SHISA9: variants seen among roughly 807,000 people sequenced by gnomAD.
The protein encoded by SHISA9 is shisa family member 9, also known as protein shisa-9.
Under a neutral mutation model 38.0 loss-of-function variants are expected in SHISA9, and 13 were observed. The ratio of observed to expected loss-of-function variants is 0.34; its 90% CI spans 0.22 to 0.54. The LOEUF (loss-of-function observed/expected upper bound fraction) is 0.54. Ranked by LOEUF, SHISA9 falls within the 20% of genes least tolerant of loss-of-function variation. The probability of loss-of-function intolerance (pLI) is 0.91; values close to 1 mark genes in which losing one functional copy is unlikely to be tolerated. For synonymous variants in SHISA9, 275 were observed against 242.0 expected (o/e 1.14, Z -1.27); for missense variants, 538 against 575.8 (o/e 0.93, Z 0.67).
chr16:13,093,541 T>G (rs920096535), intron 2 of SHISA9, among the ~76,000 whole-genome samples: 2 of 152,108 alleles, frequency 1.3e-5, no homozygotes, highest in African/African-American at 4.8e-5. Context: ...CAAGGTATCA[T>G]GTGCATATGA....
chr16:13,337,671 CTG>C, the SHISA9 span, among the ~76,000 whole-genome samples: 1 of 152,142 alleles, frequency 6.6e-6, no homozygotes, highest in African/African-American at 2.4e-5. Flanking sequence ...TGGTTTGGCT[CTG>C]TGTCCCCACT....
At chr16:12,906,485 C>T (rs918804945) in intron 1 of SHISA9, among the ~76,000 whole-genome samples, 1 of 152,032 alleles carries the variant, frequency 6.6e-6, no homozygotes, top group African/African-American at 2.4e-5. Flanking sequence ...CATGGGATCT[C>T]GTAAGAACCG....
intron 2 of SHISA9, among the ~76,000 whole-genome samples, chr16:13,055,198 T>C (rs2073296369): frequency 6.6e-6 from 1 of 152,210 alleles, no homozygotes; most frequent in Non-Finnish European, 1.5e-5. Context: ...ACTGTGATTA[T>C]GCCCATTTTA....
intron 2 of SHISA9, among the ~76,000 whole-genome samples, chr16:13,058,771 G>T (rs1240563880): frequency 6.6e-6 from 1 of 152,036 alleles, no homozygotes; most frequent in East Asian, 1.9e-4. Flanking sequence ...GTGTGTGTGT[G>T]TGTGTGTGTG....
intron 2 of SHISA9, among the ~76,000 whole-genome samples, chr16:12,931,093 C>T (rs1009346367): frequency 1.3e-5 from 2 of 152,120 alleles, no homozygotes; most frequent in Non-Finnish European, 2.9e-5. Context: ...CTGGATGTTC[C>T]GTCACGAATG....
chr16:13,357,694 G>T, the SHISA9 span, among the ~76,000 whole-genome samples: 7 of 152,146 alleles, frequency 4.6e-5, no homozygotes, highest in African/African-American at 1.4e-4. Flanking sequence ...GGGACATAGG[G>T]TGGGGCCGTT....
At chr16:13,438,388 C>T in the SHISA9 span, among the ~76,000 whole-genome samples, 2 of 152,122 alleles carry the variant, frequency 1.3e-5, no homozygotes, top group Non-Finnish European at 2.9e-5. Flanking sequence ...AGAGACCTAA[C>T]AGCATCTACC....
intron 1 of SHISA9, among the ~76,000 whole-genome samples, chr16:12,912,683 G>A (rs1178400495): frequency 6.6e-6 from 1 of 152,130 alleles, no homozygotes; most frequent in African/African-American, 2.4e-5. Flanking sequence ...CTTATTGCAC[G>A]GAGGTTGCAA....
chr16:13,470,641 G>T, the SHISA9 span, among the ~76,000 whole-genome samples: 1 of 152,118 alleles, frequency 6.6e-6, no homozygotes, highest in African/African-American at 2.4e-5. Context: ...CCCCATCCTT[G>T]GCACATGGGG....
chr16:13,412,869 AC>A, the SHISA9 span, among the ~76,000 whole-genome samples: 21 of 152,286 alleles, frequency 1.4e-4, no homozygotes, highest in African/African-American at 4.8e-4. Context: ...AACCAAAAAA[AC>A]AAACAAATAA....
intron 2 of SHISA9, among the ~76,000 whole-genome samples, chr16:13,168,022 T>C (rs2050652805): frequency 6.6e-6 from 1 of 152,200 alleles, no homozygotes; most frequent in South Asian, 2.1e-4. Flanking sequence ...ATTTTCCAGC[T>C]TCTGTGCTTG....
At chr16:13,321,066 A>G in the SHISA9 span, among the ~76,000 whole-genome samples, 15 of 152,226 alleles carry the variant, frequency 9.9e-5, no homozygotes, top group African/African-American at 2.7e-4. Flanking sequence ...ATTTTAATAC[A>G]TTTAGATTCA....
chr16:13,467,232 T>C, the SHISA9 span, among the ~76,000 whole-genome samples: 1 of 151,920 alleles, frequency 6.6e-6, no homozygotes, highest in Admixed American at 6.6e-5. Context: ...GCCTTCTATG[T>C]GGGGGGGTAG....
chr16:13,462,526 G>C, the SHISA9 span, among the ~76,000 whole-genome samples: 11 of 152,110 alleles, frequency 7.2e-5, no homozygotes, highest in African/African-American at 2.7e-4. Context: ...TAAGGTACAG[G>C]CAAAACTGCA....
At chr16:13,302,540 C>A in the SHISA9 span, among the ~76,000 whole-genome samples, 1 of 152,176 alleles carries the variant, frequency 6.6e-6, no homozygotes, top group Admixed American at 6.5e-5. Context: ...GGGATACAGA[C>A]TCTCTCCATG....
At chr16:13,123,789 T>C (rs1408345125) in intron 2 of SHISA9, among the ~76,000 whole-genome samples, 2 of 152,212 alleles carry the variant, frequency 1.3e-5, no homozygotes. Flanking sequence ...ACAGTGGGAC[T>C]ATGGGAGCTA....
At chr16:12,960,825 A>G (rs1332211473) in intron 2 of SHISA9, among the ~76,000 whole-genome samples, 1 of 151,586 alleles carries the variant, frequency 6.6e-6, no homozygotes, top group African/African-American at 2.4e-5. Context: ...CTTCTTCCCT[A>G]TCTCAGCCCT....
chr16:13,060,823 G>A (rs1256392485), intron 2 of SHISA9, among the ~76,000 whole-genome samples: 1 of 152,156 alleles, frequency 6.6e-6, no homozygotes, highest in Admixed American at 6.5e-5. Flanking sequence ...GCTGGCGTGG[G>A]AGTTGGAAGT....
At chr16:13,030,391 A>G (rs1187978355) in intron 2 of SHISA9, among the ~76,000 whole-genome samples, 1 of 152,138 alleles carries the variant, frequency 6.6e-6, no homozygotes, top group Non-Finnish European at 1.5e-5. Context: ...AGTCCACTCT[A>G]AGGTACATTC....
Sources: gnomAD v4.1 joint callset for allele counts (sites outside exome capture counted in the v4.1 genomes callset) on GRCh38, gnomAD v4.1.1 for gene constraint, MANE v1.5 for transcripts, NCBI Gene and HGNC (gene_info 2026-07-23, HGNC 2026-07-21) for gene names.